The following NAALADL2 variants were observed in gnomAD, a reference collection of about 807,000 sequenced individuals.
NAALADL2 encodes inactive N-acetylated-alpha-linked acidic dipeptidase-like protein 2.
A neutral mutation model predicts 87.2 loss-of-function variants in NAALADL2; 76 were observed. The observed-to-expected ratio is 0.87, with a 90% CI of 0.72 to 1.05. The LOEUF is 1.05. NAALADL2 is among the 50% of genes least tolerant of loss of function. The pLI, the probability that NAALADL2 is intolerant of heterozygous loss-of-function variation, is 0.00. For synonymous variants in NAALADL2, 354 were observed against 331.0 expected (o/e 1.07, Z -0.75); for missense variants, 1,089 against 945.8 (o/e 1.15, Z -1.99).
chr3:175,176,753 G>T (rs1028889030), intron 2 of NAALADL2, among the ~76,000 whole-genome samples: 5 of 152,030 alleles, frequency 3.3e-5, no homozygotes, highest in African/African-American at 1.2e-4. Flanking sequence ...AGGGGTCGGA[G>T]CCAAGGAATG....
chr3:175,182,853 T>C (rs1736797833), intron 2 of NAALADL2, among the ~76,000 whole-genome samples: 1 of 152,044 alleles, frequency 6.6e-6, no homozygotes, highest in Admixed American at 6.6e-5. Context: ...TTTCTTCTAG[T>C]ATTTTTACAA....
chr3:174,948,461 G>A (rs942545711), intron 1 of NAALADL2, among the ~76,000 whole-genome samples: 7 of 152,208 alleles, frequency 4.6e-5, no homozygotes, highest in African/African-American at 1.7e-4. Context: ...ACAGGCGTGA[G>A]CCACCACGCC....
chr3:175,771,250 G>A (rs892118929), intron 13 of NAALADL2, among the ~76,000 whole-genome samples: 1 of 152,134 alleles, frequency 6.6e-6, no homozygotes, highest in Non-Finnish European at 1.5e-5. Context: ...TCGATTAGGT[G>A]TAGACAGGTT....
chr3:175,317,473 C>G (rs1206608911), intron 4 of NAALADL2, among the ~76,000 whole-genome samples: 1 of 151,842 alleles, frequency 6.6e-6, no homozygotes, highest in Non-Finnish European at 1.5e-5. Context: ...GCTATTCTTT[C>G]CCAGTTAATT....
At chr3:174,610,506 G>C (rs1298134844) in intron 2 of NAALADL2, among the ~76,000 whole-genome samples, 1 of 152,124 alleles carries the variant, frequency 6.6e-6, no homozygotes, top group Non-Finnish European at 1.5e-5. Flanking sequence ...GTGGGCGAAA[G>C]ACATGAAAAG....
intron 2 of NAALADL2, among the ~76,000 whole-genome samples, chr3:175,213,213 T>C (rs1742024413): frequency 6.6e-6 from 1 of 152,134 alleles, no homozygotes; most frequent in African/African-American, 2.4e-5. Context: ...AATGCCAGAC[T>C]GTCTCTGAAT....
At chr3:174,582,386 G>A (rs1316579) in intron 2 of NAALADL2, among the ~76,000 whole-genome samples, 70,448 of 152,012 alleles carry the variant, frequency 0.46, 17,756 homozygotes, top group East Asian at 0.81. Flanking sequence ...TTTGCACACT[G>A]TATTACCGGA....
chr3:175,488,355 A>G (rs1727605231), intron 9 of NAALADL2, among the ~76,000 whole-genome samples: 1 of 152,246 alleles, frequency 6.6e-6, no homozygotes, highest in Non-Finnish European at 1.5e-5. Context: ...ACCAACAAGC[A>G]TTCTATTACT....
In NAALADL2 at chr3:175,050,002, G is replaced by T. The variant is rs549110519; in HGVS notation, c.44-46788G>T. Among the ~76,000 whole-genome samples, 62 of 152,230 alleles carry T rather than the reference G, an allele frequency of 4.1e-4. 1 individual carries two copies. Among genetic ancestry groups the T allele is most frequent in the Non-Finnish European group, 7.2e-4 (49 of 68,022 alleles). On this transcript the variant is annotated intron_variant, in intron 1 of 13. Transcript: ENST00000454872. ...GCACATTTTTTTTCCATGTCTGCGT[G>T]GGTTTTCTCCAGGTACTCTGATTAC...
At chr3:174,663,590 G>C (rs1252439011) in intron 2 of NAALADL2, among the ~76,000 whole-genome samples, 3 of 152,080 alleles carry the variant, frequency 2.0e-5, no homozygotes, top group Non-Finnish European at 2.9e-5. Context: ...AGAGGACTAA[G>C]AGTGAGAATT....
At chr3:174,990,168 C>T (rs1746520973) in intron 1 of NAALADL2, among the ~76,000 whole-genome samples, 1 of 152,154 alleles carries the variant, frequency 6.6e-6, no homozygotes, top group African/African-American at 2.4e-5. Flanking sequence ...CTTTGATAAA[C>T]ACCTCCATTA....
At chr3:175,501,230 T>G (rs1200334037) in intron 9 of NAALADL2, among the ~76,000 whole-genome samples, 1 of 152,118 alleles carries the variant, frequency 6.6e-6, no homozygotes, top group African/African-American at 2.4e-5. Context: ...AATGAAAATT[T>G]ATTGGTTCAT....
At chr3:175,324,094 A>G (rs950000652) in intron 4 of NAALADL2, 81 bp from the exon 5 acceptor site, 34 of 1,048,120 alleles carry the variant, frequency 3.2e-5, no homozygotes, top group Non-Finnish European at 4.6e-5. Context: ...TCATCTTATC[A>G]TAGCCACATT....
At chr3:175,780,714 A>G (rs1405824474) in intron 13 of NAALADL2, among the ~76,000 whole-genome samples, 2 of 152,236 alleles carry the variant, frequency 1.3e-5, no homozygotes, top group African/African-American at 4.8e-5. Context: ...ATTAAAAAAG[A>G]TAAAGCAAAA....
intron 2 of NAALADL2, among the ~76,000 whole-genome samples, chr3:174,640,034 T>C (rs1251433696): frequency 6.6e-5 from 10 of 152,204 alleles, no homozygotes; most frequent in African/African-American, 1.7e-4. Context: ...TTGTAACTTG[T>C]AACCTCCTCC....
At chr3:175,149,016 T>C (rs534237339) in intron 2 of NAALADL2, among the ~76,000 whole-genome samples, 1 of 152,206 alleles carries the variant, frequency 6.6e-6, no homozygotes, top group Non-Finnish European at 1.5e-5. Flanking sequence ...AGGAATAACA[T>C]TGAATCTATA....
intron 5 of NAALADL2, chr3:175,369,594 C>T (rs1766186364): frequency 6.6e-6 from 1 of 152,248 alleles, no homozygotes; most frequent in African/African-American, 2.4e-5. Context: ...TATCCACACA[C>T]ATAGCAGGTG....
chr3:175,320,844 A>G (rs1759763070), intron 4 of NAALADL2, among the ~76,000 whole-genome samples: 1 of 150,834 alleles, frequency 6.6e-6, no homozygotes, highest in Non-Finnish European at 1.5e-5. Flanking sequence ...GCAATAATCA[A>G]TAGTTTACCA....
intron 1 of NAALADL2, among the ~76,000 whole-genome samples, chr3:175,087,750 A>C (rs1719309306): frequency 6.6e-6 from 1 of 151,984 alleles, no homozygotes; most frequent in Non-Finnish European, 1.5e-5. Flanking sequence ...AATCTCAAGT[A>C]CCCAGGGACA....
Sources: allele counts gnomAD v4.1 joint callset (sites outside exome capture counted in the v4.1 genomes callset), GRCh38; gene constraint gnomAD v4.1.1; transcripts MANE v1.5; gene names NCBI Gene and HGNC (gene_info 2026-07-23, HGNC 2026-07-21).